The following SLC36A1 variants were observed in gnomAD, a reference collection of about 807,000 sequenced individuals.
SLC36A1 encodes solute carrier family 36 member 1.
SLC36A1 carries 30 observed loss-of-function variants against 47.5 expected under a neutral mutation model. That is an observed-to-expected ratio of 0.63 (90% CI 0.47 to 0.86). The LOEUF (loss-of-function observed/expected upper bound fraction) is 0.86. SLC36A1 is among the 40% of genes least tolerant of loss of function. The pLI is 0.00. For synonymous variants in SLC36A1, 255 were observed against 249.7 expected (o/e 1.02, Z -0.20); for missense variants, 517 against 606.0 (o/e 0.85, Z 1.54).
At chr5:151,467,390 C>T (rs1756588199) in intron 6 of SLC36A1, 107 bp downstream of exon 6, 3 of 785,740 alleles carry the variant, frequency 3.8e-6, no homozygotes, top group Non-Finnish European at 6.1e-6. Flanking sequence ...CTTTTGTCAA[C>T]AAAAGAGTTA....
intron 1 of SLC36A1, among the ~76,000 whole-genome samples, chr5:151,439,024 T>C (rs924372486): frequency 1.4e-4 from 22 of 152,158 alleles, no homozygotes; most frequent in African/African-American, 4.6e-4. Context: ...GGAGGTTGAA[T>C]TGATTCACAG....
the SLC36A1 span, among the ~76,000 whole-genome samples, chr5:151,502,160 G>A: frequency 6.8e-6 from 1 of 147,518 alleles, no homozygotes; most frequent in African/African-American, 2.7e-5. Context: ...AAAAATACAA[G>A]AATTAGCTGG....
chr5:151,448,818 C>T (rs1162667475), intron 1 of SLC36A1, among the ~76,000 whole-genome samples: 1 of 152,112 alleles, frequency 6.6e-6, no homozygotes, highest in Non-Finnish European at 1.5e-5. Context: ...AAGTGACTCG[C>T]GTTTGGGTTT....
At chr5:151,369,237 G>A in the SLC36A1 span, among the ~76,000 whole-genome samples, 1 of 152,248 alleles carries the variant, frequency 6.6e-6, no homozygotes, top group East Asian at 1.9e-4. Flanking sequence ...CAATACTCTG[G>A]CTTTGGCAAA....
At chr5:151,446,349 T>G (rs912659475), upstream of SLC36A1, among the ~76,000 whole-genome samples, 1 of 152,166 alleles carries the variant, frequency 6.6e-6, no homozygotes, top group East Asian at 1.9e-4. Context: ...CTGACCAACA[T>G]GGTGAACCTC....
rs1760111017 is a variant in SLC36A1, at chr5:151,491,454, C to G, written c.*3200C>G. On this transcript the variant is annotated 3_prime_UTR_variant, in exon 11 of 11. Transcript: ENST00000243389. Reference sequence around the variant, plus strand: ...CACGAAATTTAGTTTTATCAGTAGTCTTAAAGTGTTGATCTCAAACAAGTA... The same window carrying G: ...CACGAAATTTAGTTTTATCAGTAGTGTTAAAGTGTTGATCTCAAACAAGTA... 1 of 152,644 alleles carries G rather than the reference C, an allele frequency of 6.6e-6. No individual in the cohort carries two copies. Among genetic ancestry groups the G allele is most frequent in the Admixed American group, 6.5e-5 (1 of 15,278 alleles). 9.5% of individuals were successfully genotyped at this position (152,644 alleles called of 1,614,324 possible). A position where few individuals can be genotyped will look rare whatever the true frequency, so the allele number is the denominator to read the frequency against.
intron 7 of SLC36A1, among the ~76,000 whole-genome samples, chr5:151,469,426 G>C (rs1457212646): frequency 6.6e-6 from 1 of 152,082 alleles, no homozygotes; most frequent in African/African-American, 2.4e-5. Flanking sequence ...CCTTGTTGTT[G>C]TTAGTTGTCA....
chr5:151,499,057 G>A, the SLC36A1 span, among the ~76,000 whole-genome samples: 1 of 152,228 alleles, frequency 6.6e-6, no homozygotes, highest in African/African-American at 2.4e-5. Flanking sequence ...ACTAAATTCA[G>A]TGTAGTCTCC....
chr5:151,507,579 C>T, the SLC36A1 span: 1 of 1,612,550 alleles, frequency 6.2e-7, no homozygotes, highest in South Asian at 1.1e-5. Context: ...TAGGCAGTGT[C>T]CTTCTGAACA....
the SLC36A1 span, among the ~76,000 whole-genome samples, chr5:151,549,073 C>T: frequency 6.6e-6 from 1 of 152,212 alleles, no homozygotes; most frequent in African/African-American, 2.4e-5. Context: ...TGCAAATTCT[C>T]CCACAGCATG....
chr5:151,484,374 C>G (rs1201491517), intron 10 of SLC36A1, among the ~76,000 whole-genome samples: 1 of 152,202 alleles, frequency 6.6e-6, no homozygotes, highest in Non-Finnish European at 1.5e-5. Flanking sequence ...CCATACAAAA[C>G]CGAGTGGGTT....
At chr5:151,391,885 C>T in the SLC36A1 span, among the ~76,000 whole-genome samples, 6 of 151,998 alleles carry the variant, frequency 3.9e-5, no homozygotes, top group African/African-American at 7.3e-5. Context: ...TGTCTCTGCC[C>T]GGCTTTGGTA....
Position 151,448,792 on chromosome 5 carries a change from C to A in SLC36A1, c.-6+979C>A, listed in dbSNP as rs1753197424. Among the ~76,000 whole-genome samples the A allele has an allele frequency of 1.3e-5, 2 of 152,216 alleles. 1 individual carries two copies. The highest frequency in any genetic ancestry group is 4.1e-4 in the South Asian group (2 of 4,830). ...AGGATATTTTGTCCTAGCTCTGCCG[C>A]TTACCTGGCAACCTTAAGTGACTCG... On this transcript the variant is annotated intron_variant, in intron 1 of 10. Coordinates refer to ENST00000243389, the MANE Select transcript of SLC36A1 (RefSeq NM_078483.4).
chr5:151,398,564 A>T, the SLC36A1 span, among the ~76,000 whole-genome samples: 2 of 152,234 alleles, frequency 1.3e-5, no homozygotes, highest in Non-Finnish European at 2.9e-5. Context: ...ATGGTTGTCT[A>T]GAAAAAGCTC....
At position 151,486,426 on chromosome 5, in the gene SLC36A1, G is replaced by A. The variant is rs113054918; in HGVS notation, c.1160-1557G>A. 2.0e-5 allele frequency among the ~76,000 whole-genome samples: 3 copies of A among 152,264 alleles called. 1 individual carries two copies. Among genetic ancestry groups the A allele is most frequent in the African/African-American group, 7.2e-5 (3 of 41,542 alleles). ...CCACATGTCTCTCATCTTACTGCAG[G>A]GAGTGCTATTCTCTTTTGTTTGTTT... On this transcript the variant is annotated intron_variant, in intron 10 of 10. Transcript: ENST00000243389.
the SLC36A1 span, among the ~76,000 whole-genome samples, chr5:151,379,247 G>A: frequency 3.9e-5 from 6 of 152,186 alleles, no homozygotes; most frequent in Non-Finnish European, 8.8e-5. Flanking sequence ...TGGCCCTCCT[G>A]CTGCCTCACT....
At chr5:151,448,204 C>G (rs563518240) in intron 1 of SLC36A1, among the ~76,000 whole-genome samples, 2 of 152,286 alleles carry the variant, frequency 1.3e-5, no homozygotes, top group African/African-American at 4.8e-5. Flanking sequence ...GTTGGAGAAA[C>G]TGAGCCCTTA....
At chr5:151,506,202 G>T in the SLC36A1 span, 1 of 1,265,274 alleles carries the variant, frequency 7.9e-7, no homozygotes, top group Non-Finnish European at 1.1e-6. Flanking sequence ...AGATGGGAGT[G>T]GGTGGGCATA....
chr5:151,527,468 A>T, the SLC36A1 span: 3 of 1,336,846 alleles, frequency 2.2e-6, no homozygotes, highest in Middle Eastern at 4.6e-4. Flanking sequence ...CAAAAAAAAT[A>T]AGAAGGAGAC....
Sources: allele counts gnomAD v4.1 joint callset (sites outside exome capture counted in the v4.1 genomes callset), GRCh38; gene constraint gnomAD v4.1.1; transcripts MANE v1.5; gene names NCBI Gene and HGNC (gene_info 2026-07-23, HGNC 2026-07-21).